Variants in KIF11 observed in about 807,000 individuals in gnomAD.
The protein encoded by KIF11 is kinesin-like protein KIF11.
KIF11 carries 9 observed loss-of-function variants against 121.0 expected under a neutral mutation model. The observed-to-expected ratio is 0.07, with a 90% CI of 0.04 to 0.13. The LOEUF is 0.13. KIF11 is among the 10% of genes least tolerant of loss of function. The pLI, the probability that KIF11 is intolerant of heterozygous loss-of-function variation, is 1.00. For synonymous variants in KIF11, 408 were observed against 421.0 expected (o/e 0.97, Z 0.38); for missense variants, 846 against 1,217.5 (o/e 0.69, Z 4.54).
At chr10:92,629,137 T>G (rs1288343070) in intron 11 of KIF11, among the ~76,000 whole-genome samples, 36 of 151,820 alleles carry the variant, frequency 2.4e-4, no homozygotes. Context: ...TGCACCACCA[T>G]GCCTGGCTAA....
intron 9 of KIF11, among the ~76,000 whole-genome samples, chr10:92,617,400 A>C (rs1055489337): frequency 5.3e-5 from 8 of 152,092 alleles, no homozygotes; most frequent in African/African-American, 1.9e-4. Flanking sequence ...TCAGTAGTTT[A>C]TTTCTTTTTA....
At chr10:92,621,786 A>G (rs1192036504) in intron 10 of KIF11, among the ~76,000 whole-genome samples, 2 of 152,154 alleles carry the variant, frequency 1.3e-5, no homozygotes, top group Non-Finnish European at 1.5e-5. Context: ...ATTTTTTTGT[A>G]GAGACAGGGT....
intron 18 of KIF11, among the ~76,000 whole-genome samples, chr10:92,646,299 T>C (rs1455004825): frequency 7.2e-5 from 11 of 152,192 alleles, no homozygotes; most frequent in Non-Finnish European, 1.5e-4. Context: ...CCTATTATTA[T>C]TTTAAGTATT....
rs553493565 is a variant in KIF11, at chr10:92,631,506, C to T, written c.1495-980C>T. On this transcript the variant is annotated intron_variant, in intron 12 of 21. Coordinates refer to ENST00000260731, the MANE Select transcript of KIF11 (RefSeq NM_004523.4). Reference sequence around the variant, plus strand: ...CCTCCCGAGTAGCTGGGACTACAGGCGCCCGCCACCGCGCCCGGCTAATTT... The same window carrying T: ...CCTCCCGAGTAGCTGGGACTACAGGTGCCCGCCACCGCGCCCGGCTAATTT... Among the ~76,000 whole-genome samples the T allele has an allele frequency of 2.1e-3, 322 of 150,156 alleles. 3 individuals are homozygous for T. Among genetic ancestry groups the T allele is most frequent in the Non-Finnish European group, 2.8e-3 (191 of 67,550 alleles).
intron 18 of KIF11, 104 bp from the exon 19 acceptor site, chr10:92,648,108 C>CAAAAAAAATAAAAAAAAAAAA (rs1844940391): frequency 1.6e-6 from 1 of 625,102 alleles, no homozygotes; most frequent in East Asian, 3.8e-5. Context: ...GACTTGTCTC[C>CAAAAAAAATAAAAAAAAAAAA]AAAAAAAAAA....
intron 21 of KIF11, among the ~76,000 whole-genome samples, chr10:92,651,534 T>G (rs1844983463): frequency 4.7e-5 from 5 of 105,624 alleles, no homozygotes; most frequent in African/African-American, 1.4e-4. Context: ...TTTTTTTTTT[T>G]TTTTTTTTTT....
rs1191958202 is a variant in KIF11, at chr10:92,655,324, A to G, written c.*1528A>G. 1.3e-5 allele frequency: 2 copies of G among 152,242 alleles called. No homozygotes were observed. The highest frequency in any genetic ancestry group is 2.9e-5 in the Non-Finnish European group (2 of 68,036). 9.4% of individuals were successfully genotyped at this position (152,242 alleles called of 1,614,324 possible). On this transcript the variant is annotated 3_prime_UTR_variant, in exon 22 of 22. Coordinates refer to ENST00000260731, the MANE Select transcript of KIF11 (RefSeq NM_004523.4). ...TTTCTCTGCAAAATCAGATGTCAGC[A>G]TAAGCGATGGATAATACCTAATAAA...
In KIF11 at chr10:92,613,674, A is replaced by G. The variant is rs2135905187; in HGVS notation, c.1032+55A>G. On this transcript the variant is annotated intron_variant, in intron 8 of 21. Coordinates refer to ENST00000260731, the MANE Select transcript of KIF11 (RefSeq NM_004523.4). This position sits in a 1 kb window ranked among gnomAD's most constrained non-coding sequence, Gnocchi z 4.2. ...TAGTAGCTGTAATTCTTATTTGGCT[A>G]TTATATATTTTAAAAGTTCATTTAC... is the stretch of plus-strand genomic sequence containing the variant. The G allele has an allele frequency of 1.1e-5, 16 of 1,518,666 alleles. No individual in the cohort carries two copies. Among genetic ancestry groups the G allele is most frequent in the Non-Finnish European group, 1.4e-5 (16 of 1,126,892 alleles). The allele number at this position is 1,518,666 out of a possible 1,614,324, so 94.1% of individuals were successfully genotyped here. A position where few individuals can be genotyped will look rare whatever the true frequency, so the allele number is the denominator to read the frequency against.
At position 92,613,187 on chromosome 10, in the gene KIF11, G is replaced by T; in HGVS notation, c.789+57G>T. 1.4e-6 allele frequency: 2 copies of T among 1,379,800 alleles called. No homozygotes were observed. The highest frequency in any genetic ancestry group is 2.2e-5 in the Admixed American group (1 of 45,162). 85.5% of individuals were successfully genotyped at this position (1,379,800 alleles called of 1,614,324 possible). On this transcript the variant is annotated intron_variant, in intron 7 of 21. Transcript: ENST00000260731. The surrounding 1 kb of genome is among the most constrained non-coding windows in gnomAD (Gnocchi z 4.2). ...TCTTAAACACCTTATAGAGCAGCTT[G>T]AAATTTTGTCCTTGAGACAAAATTT...
intron 14 of KIF11, among the ~76,000 whole-genome samples, chr10:92,634,805 A>C (rs570156370): frequency 6.6e-6 from 1 of 152,224 alleles, no homozygotes; most frequent in South Asian, 2.1e-4. Flanking sequence ...CTCTTTCCCC[A>C]GGGGTCCTGG....
At chr10:92,649,769 A>T in intron 19 of KIF11, 66 bp from the exon 20 acceptor site, 1 of 1,085,408 alleles carries the variant, frequency 9.2e-7, no homozygotes, top group Non-Finnish European at 1.3e-6. Context: ...AGGAAGTTTT[A>T]GGTTTTTTTA....
intron 21 of KIF11, among the ~76,000 whole-genome samples, chr10:92,651,734 G>A (rs1844987776): frequency 1.3e-5 from 2 of 151,468 alleles, no homozygotes; most frequent in Non-Finnish European, 2.9e-5. Flanking sequence ...ATTGATGACT[G>A]AGTACACAAT....
At chr10:92,603,299 C>T (rs1233247985) in intron 1 of KIF11, among the ~76,000 whole-genome samples, 3 of 130,194 alleles carry the variant, frequency 2.3e-5, no homozygotes, top group African/African-American at 8.9e-5. Flanking sequence ...GAGTCTCGCT[C>T]TGTTGCCCAG....
chr10:92,601,724 T>C (rs998565939), intron 1 of KIF11, among the ~76,000 whole-genome samples: 4 of 148,738 alleles, frequency 2.7e-5, no homozygotes, highest in African/African-American at 1.0e-4. Context: ...TTTTTTTTTT[T>C]AGAGATGGGG....
At position 92,649,973 on chromosome 10, in the gene KIF11, A is replaced by C. The variant is rs776362784; in HGVS notation, c.2909A>C (p.Glu970Ala). ...MMLNCSENNKEETIPDVDVEE... is the reference protein window; with the variant it reads ...MMLNCSENNKAETIPDVDVEE... ...CTAAACTGTTCAGAAAACAACAAAG[A>C]AGAGACAATTCCGGTAAATTTAAAG... The change falls in exon 20 of 22, where the codon GAA becomes GCA. Residue 970 changes from glutamate (E) to alanine (A), a missense_variant. By Grantham distance (107) the Glu-to-Ala change is moderately radical. Coordinates refer to ENST00000260731, the MANE Select transcript of KIF11 (RefSeq NM_004523.4). 15 of 1,610,536 alleles carry C rather than the reference A, an allele frequency of 9.3e-6. No homozygotes were observed. Among genetic ancestry groups the C allele is most frequent in the Non-Finnish European group, 1.3e-5 (15 of 1,177,488 alleles).
At position 92,637,197 on chromosome 10, in the gene KIF11, C is replaced by T. The variant is rs374629162; in HGVS notation, c.1889C>T (p.Thr630Ile). ...TTCTGAAACCAGAATGTACTCAAGA[C>T]TGATCTTCTAAGTTCACTGGAAATG... is the stretch of plus-strand genomic sequence containing the variant. ...VLQELINVLK[T>I]DLLSSLEMIL... is the part of the protein sequence containing the mutation. Residue 630 changes from threonine (T) to isoleucine (I), a missense_variant, in exon 15 of 22, where the codon ACT (threonine) becomes ATT (isoleucine). Thr to Ile is a moderately conservative substitution (Grantham distance 89). Transcript: ENST00000260731. 22 of 1,585,622 alleles carry T rather than the reference C, an allele frequency of 1.4e-5. No homozygotes were observed. Among genetic ancestry groups the T allele is most frequent in the Non-Finnish European group, 1.9e-5 (22 of 1,172,856 alleles).
intron 1 of KIF11, among the ~76,000 whole-genome samples, chr10:92,605,163 C>A (rs1370532698): frequency 6.6e-6 from 1 of 152,096 alleles, no homozygotes. Flanking sequence ...ATAATCATTT[C>A]AACTAAATAC....
intron 21 of KIF11, among the ~76,000 whole-genome samples, chr10:92,651,188 G>C (rs1172135474): frequency 6.6e-6 from 1 of 151,720 alleles, no homozygotes; most frequent in Admixed American, 6.6e-5. Context: ...ACCACACCTG[G>C]CTAATTTTTT....
Position 92,654,546 on chromosome 10 carries a change from A to G in KIF11, c.*750A>G, listed in dbSNP as rs982082387. 1.3e-5 allele frequency: 2 copies of G among 151,922 alleles called. No homozygotes were observed. The highest frequency in any genetic ancestry group is 6.6e-5 in the Admixed American group (1 of 15,250). The allele number at this position is 151,922 out of a possible 1,614,324, so 9.4% of individuals were successfully genotyped here. ...CCCTATTTCGCTTTCTCCTCGGCTCACTTTCTCCCTTTTTATTTTTCACCA... is the reference window on the plus strand; with the variant it reads ...CCCTATTTCGCTTTCTCCTCGGCTCGCTTTCTCCCTTTTTATTTTTCACCA... On this transcript the variant is annotated 3_prime_UTR_variant, in exon 22 of 22. Coordinates refer to ENST00000260731, the MANE Select transcript of KIF11 (RefSeq NM_004523.4).
Sources: allele counts gnomAD v4.1 joint callset (sites outside exome capture counted in the v4.1 genomes callset), GRCh38; gene constraint gnomAD v4.1.1; non-coding constraint Gnocchi (gnomAD v3.1); transcripts MANE v1.5; gene names NCBI Gene and HGNC (gene_info 2026-07-23, HGNC 2026-07-21).